The following LRRC2 variants were observed in gnomAD, a reference collection of about 807,000 sequenced individuals.
LRRC2 encodes leucine rich repeat containing 2, also known as leucine-rich repeat-containing protein 2.
Under a neutral mutation model 40.2 loss-of-function variants are expected in LRRC2, and 27 were observed. That is an observed-to-expected ratio of 0.67 (90% CI 0.49 to 0.93). The LOEUF is 0.93. Ranked by LOEUF, LRRC2 falls within the 40% of genes least tolerant of loss-of-function variation. The probability of loss-of-function intolerance (pLI) is 0.00; values close to 1 mark genes in which losing one functional copy is unlikely to be tolerated. For synonymous variants in LRRC2, 147 were observed against 158.9 expected (o/e 0.92, Z 0.56); for missense variants, 402 against 439.6 (o/e 0.91, Z 0.76).
chr3:46,545,701 A>G (rs1704511095), intron 2 of LRRC2, among the ~76,000 whole-genome samples: 1 of 152,176 alleles, frequency 6.6e-6, no homozygotes, highest in Non-Finnish European at 1.5e-5. Context: ...GTCCACTCAG[A>G]CACTGGAGCT....
intron 7 of LRRC2, among the ~76,000 whole-genome samples, chr3:46,526,051 C>CA (rs919507325): frequency 6.6e-6 from 1 of 151,904 alleles, no homozygotes; most frequent in African/African-American, 2.4e-5. Flanking sequence ...CTCCCGGTTT[C>CA]AAGCGATTCT....
rs1417696575 is a variant in LRRC2 at position 46,517,753 on chromosome 3, T to C, written c.*1261A>G. 1.3e-5 allele frequency: 2 copies of C among 152,236 alleles called. No homozygotes were observed. The highest frequency in any genetic ancestry group is 2.9e-5 in the Non-Finnish European group (2 of 68,046). 9.4% of individuals were successfully genotyped at this position (152,236 alleles called of 1,614,324 possible). On this transcript the variant is annotated 3_prime_UTR_variant, in exon 9 of 9. Transcript: ENST00000395905. ...GATTGTGTCTAATTTCTCCAAATCATGTGATGTGACATAAGAGCCCAAAGT... is the reference window on the plus strand; with the variant it reads ...GATTGTGTCTAATTTCTCCAAATCACGTGATGTGACATAAGAGCCCAAAGT...
intron 1 of LRRC2, among the ~76,000 whole-genome samples, chr3:46,564,543 G>A (rs1705017416): frequency 1.3e-5 from 2 of 152,128 alleles, no homozygotes; most frequent in Admixed American, 1.3e-4. Flanking sequence ...GGATCTGGGG[G>A]AGTTTGGGAG....
chr3:46,526,476 C>T (rs80046011), intron 7 of LRRC2, among the ~76,000 whole-genome samples: 1 of 152,330 alleles, frequency 6.6e-6, no homozygotes, highest in East Asian at 1.9e-4. Flanking sequence ...ATATTCCACA[C>T]ACAGCCAAGC....
chr3:46,541,049 A>G (rs576041148), intron 3 of LRRC2, among the ~76,000 whole-genome samples: 1 of 152,230 alleles, frequency 6.6e-6, no homozygotes. Context: ...AAATATTAGG[A>G]TAGGCCGGGC....
At chr3:46,563,413 C>A (rs1459681903) in intron 1 of LRRC2, among the ~76,000 whole-genome samples, 1 of 152,054 alleles carries the variant, frequency 6.6e-6, no homozygotes, top group African/African-American at 2.4e-5. Context: ...TCCCACCTCA[C>A]CCCTCCTGCT....
chr3:46,534,359 C>A (rs1431299611), intron 4 of LRRC2, among the ~76,000 whole-genome samples: 2 of 152,148 alleles, frequency 1.3e-5, no homozygotes, highest in Admixed American at 1.3e-4. Context: ...CAAGTCTTTA[C>A]TATTGTAAAT....
At chr3:46,557,673 G>A (rs901757870) in intron 1 of LRRC2, 3 of 152,122 alleles carry the variant, frequency 2.0e-5, no homozygotes, top group African/African-American at 4.8e-5. Context: ...TCATACCCCA[G>A]GGCTGAGGGA....
chr3:46,520,948 G>A (rs191831967), intron 8 of LRRC2, among the ~76,000 whole-genome samples: 1 of 152,272 alleles, frequency 6.6e-6, no homozygotes, highest in East Asian at 1.9e-4. Context: ...CCACTCCTTT[G>A]GAAACAGCCG....
chr3:46,538,092 A>C (rs541395882), intron 4 of LRRC2, among the ~76,000 whole-genome samples: 1 of 152,298 alleles, frequency 6.6e-6, no homozygotes, highest in South Asian at 2.1e-4. Context: ...CACAGCCAGC[A>C]AGACATGTAT....
intron 3 of LRRC2, among the ~76,000 whole-genome samples, chr3:46,541,880 A>T (rs1359417343): frequency 6.6e-6 from 1 of 152,158 alleles, no homozygotes; most frequent in Non-Finnish European, 1.5e-5. Context: ...CAGCTGAGGC[A>T]GGGGAGGTGG....
chr3:46,555,159 T>C (rs1039143395), intron 1 of LRRC2, among the ~76,000 whole-genome samples: 2 of 152,230 alleles, frequency 1.3e-5, no homozygotes, highest in Non-Finnish European at 2.9e-5. Flanking sequence ...TTACCAGGTA[T>C]ATAATTTGCA....
At chr3:46,543,444 G>A (rs568912341) in intron 3 of LRRC2, among the ~76,000 whole-genome samples, 8 of 151,978 alleles carry the variant, frequency 5.3e-5, no homozygotes, top group Non-Finnish European at 1.2e-4. Flanking sequence ...GTGAAAACCC[G>A]TCTCTACTAA....
chr3:46,536,099 T>A (rs756789672), intron 4 of LRRC2, among the ~76,000 whole-genome samples: 3 of 152,164 alleles, frequency 2.0e-5, no homozygotes, highest in Non-Finnish European at 4.4e-5. Flanking sequence ...AGCCCATGTG[T>A]GTAAGTATAT....
intron 1 of LRRC2, chr3:46,557,676 C>T (rs151083366): frequency 3.3e-4 from 51 of 152,312 alleles, no homozygotes; most frequent in African/African-American, 1.2e-3. Flanking sequence ...TACCCCAGGG[C>T]TGAGGGAGCA....
chr3:46,540,437 A>C (rs1245631538), intron 3 of LRRC2, among the ~76,000 whole-genome samples: 2 of 151,904 alleles, frequency 1.3e-5, no homozygotes, highest in Non-Finnish European at 2.9e-5. Context: ...AGGAAGGAGA[A>C]TCGCTTGAAC....
At chr3:46,546,387 G>A (rs988518262) in intron 2 of LRRC2, among the ~76,000 whole-genome samples, 1 of 152,194 alleles carries the variant, frequency 6.6e-6, no homozygotes, top group Non-Finnish European at 1.5e-5. Flanking sequence ...CTGCACCTGG[G>A]ACAAGACCAG....
At chr3:46,538,151 T>C (rs1704306559) in intron 4 of LRRC2, among the ~76,000 whole-genome samples, 2 of 152,182 alleles carry the variant, frequency 1.3e-5, no homozygotes, top group Admixed American at 6.5e-5. Flanking sequence ...TCTTGGCTTC[T>C]GGTAAATTTT....
intron 2 of LRRC2, among the ~76,000 whole-genome samples, chr3:46,547,416 G>A (rs1465437448): frequency 6.6e-6 from 1 of 152,010 alleles, no homozygotes; most frequent in African/African-American, 2.4e-5. Flanking sequence ...AGTGGTTCAG[G>A]CAGGAGGAAC....
Sources: allele counts gnomAD v4.1 joint callset (sites outside exome capture counted in the v4.1 genomes callset), GRCh38; gene constraint gnomAD v4.1.1; transcripts MANE v1.5; gene names NCBI Gene and HGNC (gene_info 2026-07-23, HGNC 2026-07-21).